The following NUCKS1 variants were observed in gnomAD, a reference collection of about 807,000 sequenced individuals.
NUCKS1 encodes the protein nuclear ubiquitous casein and cyclin-dependent kinase substrate 1.
NUCKS1 carries 2 observed loss-of-function variants against 33.0 expected under a neutral mutation model. That is an observed-to-expected ratio of 0.06 (90% CI 0.02 to 0.19). NUCKS1 has a LOEUF of 0.19. Ranked by LOEUF, NUCKS1 falls within the 10% of genes least tolerant of loss-of-function variation. The pLI is 1.00. For synonymous variants in NUCKS1, 106 were observed against 102.8 expected, an observed-to-expected ratio of 1.03 and a Z score of -0.19; for missense variants, 201 against 293.6, an observed-to-expected ratio of 0.68 and a Z score of 2.31.
intron 1 of NUCKS1, among the ~76,000 whole-genome samples, chr1:205,746,305 A>C (rs919751364): frequency 2.0e-5 from 3 of 152,136 alleles, no homozygotes; most frequent in African/African-American, 7.2e-5. Context: ...CAAATAAATA[A>C]ATAACTCCCC....
chr1:205,725,112 G>C (rs1168758463), intron 3 of NUCKS1, among the ~76,000 whole-genome samples: 4 of 152,156 alleles, frequency 2.6e-5, no homozygotes, highest in Non-Finnish European at 5.9e-5. Flanking sequence ...GAACTCCTGA[G>C]CTCAAGTGAT....
intron 1 of NUCKS1, among the ~76,000 whole-genome samples, chr1:205,733,141 G>A (rs1251773822): frequency 6.6e-6 from 1 of 152,108 alleles, no homozygotes; most frequent in Non-Finnish European, 1.5e-5. Context: ...CATGCTTGTG[G>A]GGTGGCAACT....
chr1:205,728,975 A>AT (rs916039867), intron 2 of NUCKS1, among the ~76,000 whole-genome samples: 234 of 146,370 alleles, frequency 1.6e-3, no homozygotes, highest in Middle Eastern at 3.7e-3. Flanking sequence ...GCTGTAGTGG[A>AT]TTTTTTTTTT....
At chr1:205,724,048 T>C in intron 3 of NUCKS1, 67 bp from the exon 4 acceptor site, 1 of 1,126,066 alleles carries the variant, frequency 8.9e-7, no homozygotes, top group Non-Finnish European at 1.4e-6. Flanking sequence ...AACATAGATC[T>C]CTGATTTCTG....
intron 1 of NUCKS1, among the ~76,000 whole-genome samples, chr1:205,742,638 C>G (rs866278823): frequency 6.6e-6 from 1 of 152,168 alleles, no homozygotes; most frequent in Admixed American, 6.5e-5. Context: ...TCCTGGCCAA[C>G]ACGGTGAAAC....
chr1:205,739,680 T>C (rs986427424), intron 1 of NUCKS1, among the ~76,000 whole-genome samples: 1 of 152,130 alleles, frequency 6.6e-6, no homozygotes, highest in African/African-American at 2.4e-5. Context: ...AGTCTCAAAC[T>C]CCTGAGCTCA....
chr1:205,717,339 G>A lies in NUCKS1; in HGVS notation c.*941C>T, dbSNP rs1490421875. On this transcript the variant is annotated 3_prime_UTR_variant, in exon 7 of 7. Coordinates refer to ENST00000367142, the MANE Select transcript of NUCKS1 (RefSeq NM_022731.5). ...TTTGCTTAAAACCTAAACATTGTCA[G>A]TTTGAAAAGAAATCCACTGTGACCT... 1 of 985,762 alleles carries A rather than the reference G, an allele frequency of 1.0e-6. No homozygotes were observed. Among genetic ancestry groups the A allele is most frequent in the African/African-American group, 1.8e-5 (1 of 56,966 alleles). 61.1% of individuals were successfully genotyped at this position (985,762 alleles called of 1,614,324 possible).
chr1:205,750,056 C>T lies in NUCKS1; in HGVS notation c.-83G>A. On this transcript the variant is annotated 5_prime_UTR_variant, in exon 1 of 7. Transcript: ENST00000367142. ...CGCGCGCTCGGCGCCCCACCCCCCCCGAACTTCAGCCGATGGGACCGCTGC... is the reference window on the plus strand; with the variant it reads ...CGCGCGCTCGGCGCCCCACCCCCCCTGAACTTCAGCCGATGGGACCGCTGC... 1 of 1,285,786 alleles carries T rather than the reference C, an allele frequency of 7.8e-7. No individual in the cohort carries two copies. Among genetic ancestry groups the T allele is most frequent in the Non-Finnish European group, 1.0e-6 (1 of 960,580 alleles). 79.6% of individuals were successfully genotyped at this position (1,285,786 alleles called of 1,614,324 possible). A position where few individuals can be genotyped will look rare whatever the true frequency, so the allele number is the denominator to read the frequency against.
intron 1 of NUCKS1, among the ~76,000 whole-genome samples, chr1:205,747,249 C>A (rs1654354929): frequency 1.3e-5 from 2 of 152,250 alleles, no homozygotes; most frequent in Middle Eastern, 3.4e-3. Context: ...TGATGCAAGG[C>A]ACCTCACTTA....
intron 1 of NUCKS1, among the ~76,000 whole-genome samples, chr1:205,745,822 A>C (rs1654306909): frequency 6.6e-6 from 1 of 152,214 alleles, no homozygotes; most frequent in Admixed American, 6.5e-5. Context: ...TACTTGTTAC[A>C]GGGTTGTAAT....
chr1:205,741,637 G>A (rs1413725360), intron 1 of NUCKS1, among the ~76,000 whole-genome samples: 1 of 152,194 alleles, frequency 6.6e-6, no homozygotes, highest in African/African-American at 2.4e-5. Flanking sequence ...TCAGAGAAGT[G>A]TGAAGCATCT....
intron 1 of NUCKS1, among the ~76,000 whole-genome samples, chr1:205,744,880 C>A (rs958478358): frequency 6.6e-6 from 1 of 152,134 alleles, no homozygotes; most frequent in Non-Finnish European, 1.5e-5. Context: ...GATCTGCCCG[C>A]CTCAGCCTCC....
chr1:205,749,338 GAAAA>G (rs908986434), intron 1 of NUCKS1, among the ~76,000 whole-genome samples: 1 of 152,086 alleles, frequency 6.6e-6, no homozygotes, highest in African/African-American at 2.4e-5. Context: ...TGCCCGGGGG[GAAAA>G]AAACGGGTCC....
At chr1:205,739,083 A>G (rs898457080) in intron 1 of NUCKS1, among the ~76,000 whole-genome samples, 1 of 152,234 alleles carries the variant, frequency 6.6e-6, no homozygotes, top group Non-Finnish European at 1.5e-5. Context: ...TACTTTGCCT[A>G]AATTCTCATT....
chr1:205,741,097 C>G (rs1236231205), intron 1 of NUCKS1, among the ~76,000 whole-genome samples: 1 of 151,096 alleles, frequency 6.6e-6, no homozygotes, highest in Non-Finnish European at 1.5e-5. Context: ...TCAGGAGATG[C>G]AGACCATCCT....
chr1:205,749,653 C>T (rs987651310), intron 1 of NUCKS1, among the ~76,000 whole-genome samples: 1 of 152,086 alleles, frequency 6.6e-6, no homozygotes, highest in African/African-American at 2.4e-5. Context: ...ACACCCCTCC[C>T]CCTCCGGCCG....
chr1:205,743,919 T>A (rs574760836), intron 1 of NUCKS1, among the ~76,000 whole-genome samples: 1 of 152,234 alleles, frequency 6.6e-6, no homozygotes, highest in Non-Finnish European at 1.5e-5. Flanking sequence ...ATTCCCTTTT[T>A]GTCCTTTAGG....
At chr1:205,742,176 T>TTG (rs939034817) in intron 1 of NUCKS1, among the ~76,000 whole-genome samples, 9 of 152,148 alleles carry the variant, frequency 5.9e-5, no homozygotes, top group Non-Finnish European at 8.8e-5. Flanking sequence ...AGTCATTTTA[T>TTG]TGTGACCTAG....
intron 1 of NUCKS1, among the ~76,000 whole-genome samples, chr1:205,741,747 A>C (rs11809765): frequency 0.02 from 3,120 of 152,304 alleles, 43 homozygotes; most frequent in African/African-American, 0.028. Flanking sequence ...TGTTAAAGGG[A>C]TCAATATCAG....
Sources: gnomAD v4.1 joint callset for allele counts (sites outside exome capture counted in the v4.1 genomes callset) on GRCh38, gnomAD v4.1.1 for gene constraint, MANE v1.5 for transcripts, NCBI Gene and HGNC (gene_info 2026-07-23, HGNC 2026-07-21) for gene names.